LIN54: variants seen among roughly 807,000 people sequenced by gnomAD.
LIN54 encodes protein lin-54 homolog.
Under a neutral mutation model 78.7 loss-of-function variants are expected in LIN54, and 9 were observed. That is an observed-to-expected ratio of 0.11 (90% confidence interval 0.07 to 0.20). The LOEUF (loss-of-function observed/expected upper bound fraction) is 0.20, where lower values mean the gene tolerates loss of function less well. Ranked by LOEUF, LIN54 falls within the 10% of genes least tolerant of loss-of-function variation. The pLI, the probability that LIN54 is intolerant of heterozygous loss-of-function variation, is 1.00. For missense variants in LIN54, 573 were observed against 889.9 expected, an observed-to-expected ratio of 0.64 and a Z score of 4.53; for synonymous variants, 269 against 318.4, an observed-to-expected ratio of 0.84 and a Z score of 1.65.
In LIN54 at chr4:82,974,691, C is replaced by T. The variant is rs188409341; in HGVS notation, c.808+4192G>A. ...GGCAGAGGTTGCAGTGAGCCACGAT[C>T]GCACCACTGCATTCCAACCTGGGCG... On this transcript the variant is annotated intron_variant, in intron 3 of 12. Transcript: ENST00000340417. Among the ~76,000 whole-genome samples, 12 of 152,104 alleles carry T rather than the reference C, an allele frequency of 7.9e-5. No homozygotes were observed. The East Asian group carries it at 2.1e-3, about 27-fold the overall frequency.
Position 82,925,203 on chromosome 4 carries a change from T to G in LIN54, c.*2899A>C, listed in dbSNP as rs2126020616. ...TTTCACATTAAAAGACAGAGTAGAT[T>G]GATTTTCTAGGTATTTTTGTTTTTG... On this transcript the variant is annotated 3_prime_UTR_variant, in exon 13 of 13. Transcript: ENST00000340417. 6.6e-6 allele frequency: 1 copy of G among 152,628 alleles called. No individual in the cohort carries two copies. Among genetic ancestry groups the G allele is most frequent in the East Asian group, 1.9e-4 (1 of 5,182 alleles). The allele number at this position is 152,628 out of a possible 1,614,324, so 9.5% of individuals were successfully genotyped here. A position where few individuals can be genotyped will look rare whatever the true frequency, so the allele number is the denominator to read the frequency against.
chr4:82,989,112 C>T (rs925000557), intron 1 of LIN54, among the ~76,000 whole-genome samples: 16 of 151,788 alleles, frequency 1.1e-4, no homozygotes, highest in African/African-American at 3.1e-4. Context: ...GGCGTGAACC[C>T]GGGAGGCGGA....
upstream of LIN54, among the ~76,000 whole-genome samples, chr4:83,011,811 TAAA>T (rs70943185): frequency 1.5e-5 from 2 of 135,750 alleles, no homozygotes; most frequent in Non-Finnish European, 1.6e-5. Flanking sequence ...AGATCAGCAT[TAAA>T]AAAAAAAAAA....
chr4:82,998,175 G>A (rs189545817), intron 1 of LIN54, among the ~76,000 whole-genome samples: 106 of 151,688 alleles, frequency 7.0e-4, no homozygotes, highest in African/African-American at 2.4e-3. Flanking sequence ...GTGAACAGCT[G>A]TTTTCATTCT....
At chr4:82,979,930 A>C (rs1726483982) in intron 2 of LIN54, among the ~76,000 whole-genome samples, 1 of 122,460 alleles carries the variant, frequency 8.2e-6, no homozygotes, top group African/African-American at 3.5e-5. Flanking sequence ...AGTGAGTGAG[A>C]CTCTGTCTCA....
At chr4:82,951,589 T>A (rs1025508810) in intron 4 of LIN54, among the ~76,000 whole-genome samples, 7 of 152,150 alleles carry the variant, frequency 4.6e-5, no homozygotes, top group Admixed American at 4.6e-4. Context: ...AATACATTTT[T>A]AAAAATCCAT....
At chr4:82,939,166 T>C (rs1161498405) in intron 7 of LIN54, among the ~76,000 whole-genome samples, 2 of 152,230 alleles carry the variant, frequency 1.3e-5, no homozygotes, top group African/African-American at 4.8e-5. Context: ...TTGGGCTTAT[T>C]TTCCAAGTCA....
intron 4 of LIN54, among the ~76,000 whole-genome samples, chr4:82,948,609 T>TA (rs1466659800): frequency 3.9e-5 from 6 of 152,134 alleles, no homozygotes; most frequent in Non-Finnish European, 8.8e-5. Context: ...ACTGTACAAT[T>TA]TTGTTACTTA....
chr4:82,938,332 G>A (rs1313386425), intron 8 of LIN54, 81 bp downstream of exon 8: 17 of 786,818 alleles, frequency 2.2e-5, no homozygotes, highest in Non-Finnish European at 3.5e-5. Context: ...AAATAAAAGA[G>A]GATGTAGTTT....
intron 2 of LIN54, among the ~76,000 whole-genome samples, chr4:82,979,939 C>CAAAACAAAAA (rs1726489285): frequency 8.0e-5 from 4 of 49,872 alleles, no homozygotes; most frequent in Non-Finnish European, 1.1e-4. Context: ...GACTCTGTCT[C>CAAAACAAAAA]AAAAAAAAAA....
chr4:82,964,262 A>C (rs751161046), intron 4 of LIN54, among the ~76,000 whole-genome samples: 69 of 151,904 alleles, frequency 4.5e-4, no homozygotes, highest in Non-Finnish European at 9.0e-4. Context: ...TGTTGGCCAG[A>C]CTGGTCTCAA....
intron 1 of LIN54, among the ~76,000 whole-genome samples, chr4:82,995,130 C>CA (rs1728078415): frequency 6.6e-6 from 1 of 151,636 alleles, no homozygotes; most frequent in South Asian, 2.1e-4. Context: ...TTCTTCTCTA[C>CA]AAAAAAATAA....
intron 1 of LIN54, among the ~76,000 whole-genome samples, chr4:82,987,406 A>C (rs1217477730): frequency 1.3e-5 from 2 of 152,136 alleles, no homozygotes; most frequent in African/African-American, 4.8e-5. Context: ...TTTTCTAAGA[A>C]AAAAACAAAA....
At position 82,962,521 on chromosome 4, in the gene LIN54, G is replaced by A. The variant is rs151337660; in HGVS notation, c.951+7806C>T. Among the ~76,000 whole-genome samples the A allele has an allele frequency of 6.9e-3, 1,045 of 152,146 alleles. 9 individuals carry two copies. The highest frequency in any genetic ancestry group is 0.023 in the African/African-American group (961 of 41,510). On this transcript the variant is annotated intron_variant, in intron 4 of 12. Coordinates refer to ENST00000340417, the MANE Select transcript of LIN54 (RefSeq NM_194282.4). The stretch of plus-strand genomic sequence containing the variant: ...TACAACCATCATATAAGAACTTTAT[G>A]ATTAATTAATCAAGCTAGTAGAAAA...
intron 2 of LIN54, among the ~76,000 whole-genome samples, chr4:82,979,594 T>C (rs981151798): frequency 1.3e-5 from 2 of 152,078 alleles, no homozygotes; most frequent in African/African-American, 4.8e-5. Context: ...GGGCAACAGC[T>C]CTGAAATATT....
At chr4:82,930,609 G>A (rs1480752292) in intron 12 of LIN54, among the ~76,000 whole-genome samples, 1 of 152,188 alleles carries the variant, frequency 6.6e-6, no homozygotes, top group Non-Finnish European at 1.5e-5. Flanking sequence ...GGCAAGAGAA[G>A]GTAGGAAAAT....
chr4:82,944,574 T>A (rs1342129191), intron 5 of LIN54, among the ~76,000 whole-genome samples: 1 of 114,958 alleles, frequency 8.7e-6, no homozygotes, highest in Non-Finnish European at 1.8e-5. Flanking sequence ...CTGCTTGCTA[T>A]GACTAATTTA....
intron 3 of LIN54, among the ~76,000 whole-genome samples, chr4:82,972,157 T>G (rs1051523550): frequency 2.6e-5 from 4 of 152,022 alleles, no homozygotes; most frequent in Non-Finnish European, 5.9e-5. Flanking sequence ...TGGGCTCAAA[T>G]GATCCTCCCA....
intron 2 of LIN54, among the ~76,000 whole-genome samples, chr4:82,979,429 G>A (rs1240141995): frequency 1.3e-5 from 2 of 152,032 alleles, no homozygotes; most frequent in African/African-American, 2.4e-5. Context: ...TTGGCCCTTG[G>A]ATGCAAAATA....
Sources: gnomAD v4.1 joint callset for allele counts (sites outside exome capture counted in the v4.1 genomes callset) on GRCh38, gnomAD v4.1.1 for gene constraint, MANE v1.5 for transcripts, NCBI Gene and HGNC (gene_info 2026-07-23, HGNC 2026-07-21) for gene names.